The following EVL variants were observed in gnomAD, a reference collection of about 807,000 sequenced individuals.
EVL encodes the protein ena/VASP-like protein.
A neutral mutation model predicts 59.6 loss-of-function variants in EVL; 21 were observed. The observed-to-expected ratio is 0.35, with a 90% confidence interval of 0.25 to 0.51. EVL has a LOEUF of 0.51. Among genes scored for constraint, EVL ranks in the 20% least tolerant of loss-of-function variants. The pLI, the probability that EVL is intolerant of heterozygous loss-of-function variation, is 0.97. For synonymous variants in EVL, 198 were observed against 203.5 expected (o/e 0.97, Z 0.23); for missense variants, 462 against 546.6 (o/e 0.85, Z 1.54).
rs35367426 is a variant in EVL, at chr14:100,111,148, ATTTTTTT to A, written c.359-12372_359-12366del. Among the ~76,000 whole-genome samples the A allele has an allele frequency of 6.1e-4, 53 of 86,808 alleles. 1 individual carries two copies. In the Middle Eastern group the frequency reaches 0.022, roughly 36 times the overall value. The allele number at this position is 86,808 out of a possible 152,430, so 56.9% of individuals were successfully genotyped here. On this transcript the variant is annotated intron_variant, in intron 3 of 13. Coordinates refer to ENST00000392920, the MANE Select transcript of EVL (RefSeq NM_016337.3). Reference sequence around the variant, plus strand: ...CACCATTCTAAGCCTTAGTGTCCTCATTTTTTTTTTTTTTTTTTTTTTTTTGTGATAG... The same window carrying A: ...CACCATTCTAAGCCTTAGTGTCCTCATTTTTTTTTTTTTTTTTTGTGATAG...
chr14:99,989,451 C>A (rs1198916340), intron 1 of EVL, among the ~76,000 whole-genome samples: 2 of 152,132 alleles, frequency 1.3e-5, no homozygotes, highest in South Asian at 2.1e-4. Context: ...ATATTTTCTT[C>A]TTAGGTTTCT....
chr14:100,084,945 A>G (rs1468103080), intron 2 of EVL, 90 bp downstream of exon 2: 16 of 1,406,050 alleles, frequency 1.1e-5, no homozygotes, highest in Admixed American at 8.1e-5. Flanking sequence ...TTAAGAGGTC[A>G]GAACAAAAAG....
At chr14:100,110,167 G>A (rs990229593) in intron 3 of EVL, among the ~76,000 whole-genome samples, 39 of 152,322 alleles carry the variant, frequency 2.6e-4, no homozygotes, top group African/African-American at 8.9e-4. Flanking sequence ...CAGTGTGAGA[G>A]TTCGAGACCT....
intron 3 of EVL, among the ~76,000 whole-genome samples, chr14:100,119,298 G>A (rs1426867882): frequency 6.6e-6 from 1 of 152,218 alleles, no homozygotes; most frequent in African/African-American, 2.4e-5. Context: ...AATGAGAAGA[G>A]GGTGAGAGTT....
chr14:100,124,811 A>G (rs1440389304), intron 4 of EVL, among the ~76,000 whole-genome samples: 1 of 152,090 alleles, frequency 6.6e-6, no homozygotes, highest in African/African-American at 2.4e-5. Flanking sequence ...CCAGGGCCCA[A>G]TCCAAGCTGT....
chr14:99,997,385 T>G (rs754416108), intron 1 of EVL, among the ~76,000 whole-genome samples: 4 of 152,268 alleles, frequency 2.6e-5, no homozygotes, highest in African/African-American at 7.2e-5. Context: ...ATCCTGTACG[T>G]ATTAGTCAGT....
intron 1 of EVL, among the ~76,000 whole-genome samples, chr14:100,033,887 C>T (rs2061349352): frequency 1.3e-5 from 2 of 151,998 alleles, no homozygotes; most frequent in Admixed American, 6.6e-5. Flanking sequence ...CACAAGACTT[C>T]GTGGGAAAAA....
At chr14:100,003,490 C>G (rs956930479) in intron 1 of EVL, among the ~76,000 whole-genome samples, 2 of 152,128 alleles carry the variant, frequency 1.3e-5, no homozygotes, top group Non-Finnish European at 2.9e-5. Context: ...CATCTCGGCT[C>G]ACTGCAACCT....
intron 1 of EVL, chr14:100,066,540 A>G (rs377469326): frequency 4.2e-4 from 64 of 152,266 alleles, no homozygotes; most frequent in African/African-American, 1.4e-3. Context: ...AGGGCTGCTT[A>G]TTTTCCAGTT....
intron 3 of EVL, among the ~76,000 whole-genome samples, chr14:100,120,927 A>G (rs1887655422): frequency 6.6e-6 from 1 of 152,204 alleles, no homozygotes; most frequent in Non-Finnish European, 1.5e-5. Context: ...ACACAGCACC[A>G]ACAAGACTCC....
intron 1 of EVL, chr14:99,974,501 G>C (rs2060756482): frequency 6.5e-6 from 1 of 153,458 alleles, no homozygotes; most frequent in Non-Finnish European, 1.5e-5. Context: ...AAGTTGCCCA[G>C]GGTGGCAGTG....
At chr14:100,076,056 G>A (rs996767279) in intron 1 of EVL, among the ~76,000 whole-genome samples, 1 of 152,230 alleles carries the variant, frequency 6.6e-6, no homozygotes, top group Admixed American at 6.5e-5. Context: ...GACAATGTGA[G>A]CTTTGAGAAA....
At chr14:100,044,605 A>G (rs550973973) in intron 1 of EVL, among the ~76,000 whole-genome samples, 2 of 152,300 alleles carry the variant, frequency 1.3e-5, no homozygotes, top group South Asian at 4.1e-4. Context: ...CATTGTAATT[A>G]CAATGTGATC....
chr14:100,119,009 G>C (rs1473372601), intron 3 of EVL, among the ~76,000 whole-genome samples: 1 of 152,210 alleles, frequency 6.6e-6, no homozygotes, highest in Non-Finnish European at 1.5e-5. Context: ...TCCTCCTGCA[G>C]CTCTTTGTGT....
At chr14:100,047,270 G>A (rs559156343) in intron 1 of EVL, among the ~76,000 whole-genome samples, 97 of 151,896 alleles carry the variant, frequency 6.4e-4, no homozygotes, top group Non-Finnish European at 1.2e-3. Context: ...GTAGACGGGC[G>A]CTATAGTTAC....
chr14:100,070,692 G>C (rs1469280818), intron 1 of EVL, among the ~76,000 whole-genome samples: 2 of 152,170 alleles, frequency 1.3e-5, no homozygotes, highest in Non-Finnish European at 2.9e-5. Context: ...GTTTGTAAGG[G>C]CAGAGCCGGG....
At chr14:100,048,375 T>C (rs2061589834) in intron 1 of EVL, among the ~76,000 whole-genome samples, 1 of 152,102 alleles carries the variant, frequency 6.6e-6, no homozygotes, top group Non-Finnish European at 1.5e-5. Context: ...AGATGGCAAA[T>C]AAGCACGAGA....
intron 1 of EVL, among the ~76,000 whole-genome samples, chr14:100,033,496 T>G (rs896390283): frequency 2.0e-5 from 3 of 152,224 alleles, no homozygotes; most frequent in Admixed American, 1.3e-4. Flanking sequence ...ATCTGTATCT[T>G]CTAACTAAAA....
chr14:99,971,758 C>A (rs1273684269), exon 1 of EVL: 1 of 142,430 alleles, frequency 7.0e-6, no homozygotes, highest in East Asian at 2.8e-4. Flanking sequence ...CATCCCCCGG[C>A]GGCGGCCCCC....
Sources: gnomAD v4.1 joint callset for allele counts (sites outside exome capture counted in the v4.1 genomes callset) on GRCh38, gnomAD v4.1.1 for gene constraint, MANE v1.5 for transcripts, NCBI Gene and HGNC (gene_info 2026-07-23, HGNC 2026-07-21) for gene names.